NRXN1: variants seen among roughly 807,000 people sequenced by gnomAD.
NRXN1 encodes the protein neurexin 1, also known as neurexin-1.
A neutral mutation model predicts 150.9 loss-of-function variants in NRXN1; 39 were observed. The observed-to-expected ratio is 0.26, with a 90% confidence interval of 0.20 to 0.34. The LOEUF is 0.34. Ranked by LOEUF, NRXN1 falls within the 10% of genes least tolerant of loss-of-function variation. The pLI is 1.00. For missense variants in NRXN1, 1,815 were observed against 1,949.9 expected (o/e 0.93, Z 1.30); for synonymous variants, 924 against 757.0 (o/e 1.22, Z -3.62).
At chr2:50,039,935 T>G (rs535552534) in intron 21 of NRXN1, among the ~76,000 whole-genome samples, 195 of 152,302 alleles carry the variant, frequency 1.3e-3, no homozygotes, top group Admixed American at 1.8e-3. Flanking sequence ...AATTCTCCTT[T>G]GAGTAGTCCA....
intron 12 of NRXN1, among the ~76,000 whole-genome samples, chr2:50,513,365 C>G (rs6545177): frequency 0.87 from 132,050 of 152,158 alleles, 57,638 homozygotes; most frequent in African/African-American, 0.94. Context: ...TATTTGAACA[C>G]GCACACTGCA....
intron 21 of NRXN1, among the ~76,000 whole-genome samples, chr2:50,025,718 C>T (rs1688180917): frequency 6.6e-6 from 1 of 152,160 alleles, no homozygotes; most frequent in Admixed American, 6.5e-5. Context: ...CATCATCTGT[C>T]ATAATTTTTA....
chr2:50,227,780 C>T (rs549553269), intron 18 of NRXN1, among the ~76,000 whole-genome samples: 1 of 152,120 alleles, frequency 6.6e-6, no homozygotes, highest in South Asian at 2.1e-4. Context: ...GAATAAAAAG[C>T]AAGCAGATAC....
intron 17 of NRXN1, among the ~76,000 whole-genome samples, chr2:50,431,091 C>T (rs17533753): frequency 3.3e-5 from 5 of 152,144 alleles, no homozygotes; most frequent in Non-Finnish European, 5.9e-5. Context: ...TCCTCATACC[C>T]GTGACATCTT....
At chr2:50,685,235 T>C (rs1335232223) in intron 5 of NRXN1, among the ~76,000 whole-genome samples, 1 of 152,206 alleles carries the variant, frequency 6.6e-6, no homozygotes, top group Non-Finnish European at 1.5e-5. Flanking sequence ...TTTCTTTTGC[T>C]CTGTAATTGC....
chr2:50,325,268 C>T (rs902015446), intron 17 of NRXN1, among the ~76,000 whole-genome samples: 1 of 152,158 alleles, frequency 6.6e-6, no homozygotes, highest in Non-Finnish European at 1.5e-5. Flanking sequence ...GTAGACTGTT[C>T]CCTGTGCTGA....
At chr2:50,386,573 G>T (rs1165500315) in intron 17 of NRXN1, among the ~76,000 whole-genome samples, 1 of 150,780 alleles carries the variant, frequency 6.6e-6, no homozygotes, top group Non-Finnish European at 1.5e-5. Flanking sequence ...ACAAGCAATA[G>T]AACCCCCAAA....
At chr2:51,016,702 C>T (rs1372683247) in intron 2 of NRXN1, among the ~76,000 whole-genome samples, 2 of 152,124 alleles carry the variant, frequency 1.3e-5, no homozygotes, top group Non-Finnish European at 2.9e-5. Context: ...GTGGTGATTT[C>T]TCAAGGATCT....
chr2:49,962,626 A>C (rs1676178458), intron 21 of NRXN1, among the ~76,000 whole-genome samples: 1 of 152,124 alleles, frequency 6.6e-6, no homozygotes. Flanking sequence ...ATGGAGAGTA[A>C]CACAAGGGAG....
At chr2:50,359,324 A>C (rs534105279) in intron 17 of NRXN1, among the ~76,000 whole-genome samples, 2 of 152,134 alleles carry the variant, frequency 1.3e-5, no homozygotes, top group Admixed American at 6.5e-5. Context: ...CTAAAGGAGC[A>C]TGTTCTAACC....
chr2:50,468,309 C>G lies in NRXN1; in HGVS notation c.3245-2748G>C, dbSNP rs77732086. ...TAGAGCAGCAACTCAGAGTACCTGC[C>G]AAGCTTCTATGTAAGCATACAGACG... On this transcript the variant is annotated intron_variant, in intron 16 of 22. Coordinates refer to ENST00000401669, the MANE Select transcript of NRXN1 (RefSeq NM_001330078.2). 1.6e-4 allele frequency among the ~76,000 whole-genome samples: 25 copies of G among 151,654 alleles called. No individual in the cohort carries two copies. The East Asian group carries it at 4.7e-3, about 28-fold the overall frequency.
chr2:50,231,744 A>G (rs540263898), intron 18 of NRXN1, among the ~76,000 whole-genome samples: 5 of 152,244 alleles, frequency 3.3e-5, no homozygotes, highest in African/African-American at 1.2e-4. Flanking sequence ...ATCCAGATTT[A>G]TAGTGACTTT....
intron 5 of NRXN1, among the ~76,000 whole-genome samples, chr2:50,731,969 G>A (rs1026272033): frequency 6.6e-6 from 1 of 152,244 alleles, no homozygotes; most frequent in Non-Finnish European, 1.5e-5. Flanking sequence ...TATTTGAAAT[G>A]TGTGCCTTCA....
chr2:50,613,203 G>T (rs76367663), intron 8 of NRXN1, among the ~76,000 whole-genome samples: 2,350 of 152,178 alleles, frequency 0.015, 54 homozygotes, highest in African/African-American at 0.054. Context: ...AAGCCCATTT[G>T]CCTATTCTAG....
chr2:50,448,034 G>T (rs2086617273), intron 17 of NRXN1, among the ~76,000 whole-genome samples: 1 of 151,764 alleles, frequency 6.6e-6, no homozygotes, highest in South Asian at 2.1e-4. Context: ...CTGCACTTTA[G>T]TCAGTGAAAG....
chr2:50,592,487 G>A (rs902100221), intron 8 of NRXN1, among the ~76,000 whole-genome samples: 2 of 152,218 alleles, frequency 1.3e-5, no homozygotes, highest in Non-Finnish European at 2.9e-5. Flanking sequence ...AGGAGAAACA[G>A]AAGTTCACAA....
At chr2:49,935,603 A>G (rs1670892642) in intron 22 of NRXN1, among the ~76,000 whole-genome samples, 1 of 152,316 alleles carries the variant, frequency 6.6e-6, no homozygotes, top group African/African-American at 2.4e-5. Flanking sequence ...CAAATGTAGC[A>G]TTTGCTGCCC....
intron 17 of NRXN1, among the ~76,000 whole-genome samples, chr2:50,321,107 A>G (rs1398918677): frequency 6.6e-6 from 1 of 152,162 alleles, no homozygotes; most frequent in African/African-American, 2.4e-5. Context: ...CAGTAACCAT[A>G]TAGATATTAA....
chr2:49,949,435 C>A (rs1250560790), intron 21 of NRXN1, among the ~76,000 whole-genome samples: 2 of 151,850 alleles, frequency 1.3e-5, no homozygotes, highest in African/African-American at 4.8e-5. Context: ...AATATTATAT[C>A]CCTGCTAAGA....
Sources: allele counts gnomAD v4.1 joint callset (sites outside exome capture counted in the v4.1 genomes callset), GRCh38; gene constraint gnomAD v4.1.1; transcripts MANE v1.5; gene names NCBI Gene and HGNC (gene_info 2026-07-23, HGNC 2026-07-21).